The following BTG4 variants were observed in gnomAD, a reference collection of about 807,000 sequenced individuals.
The protein encoded by BTG4 is protein BTG4.
A neutral mutation model predicts 19.3 loss-of-function variants in BTG4; 10 were observed. The ratio of observed to expected loss-of-function variants is 0.52; its 90% confidence interval spans 0.32 to 0.88. The LOEUF is 0.88. Among genes scored for constraint, BTG4 ranks in the 40% least tolerant of loss-of-function variants. The pLI is 0.04. For synonymous variants in BTG4, 91 were observed against 95.7 expected, an observed-to-expected ratio of 0.95 and a Z score of 0.29; for missense variants, 238 against 281.9, an observed-to-expected ratio of 0.84 and a Z score of 1.11.
At chr11:111,513,075 C>T, upstream of BTG4, 1 of 441,970 alleles carries the variant, frequency 2.3e-6, no homozygotes, top group East Asian at 7.4e-5. Flanking sequence ...AGCCCGCAGC[C>T]TTCGAGAGAA....
chr11:111,478,479 AG>A (rs1394525436), intron 5 of BTG4, among the ~76,000 whole-genome samples: 4 of 152,184 alleles, frequency 2.6e-5, no homozygotes, highest in Admixed American at 1.3e-4. Flanking sequence ...ACTAAAAACC[AG>A]AAAGATAAAC....
chr11:111,467,214 A>G (rs1863771520), downstream of BTG4, among the ~76,000 whole-genome samples: 1 of 152,206 alleles, frequency 6.6e-6, no homozygotes, highest in Admixed American at 6.5e-5. Context: ...CCTATTTTAA[A>G]ATTGAGCAGA....
the BTG4 span, among the ~76,000 whole-genome samples, chr11:111,407,817 T>C: frequency 6.6e-6 from 1 of 152,234 alleles, no homozygotes; most frequent in African/African-American, 2.4e-5. Flanking sequence ...GGTAAGTAAC[T>C]TGCAGGGCAG....
intron 5 of BTG4, among the ~76,000 whole-genome samples, chr11:111,470,239 A>G (rs773871968): frequency 5.9e-5 from 9 of 152,160 alleles, no homozygotes; most frequent in Non-Finnish European, 1.0e-4. Flanking sequence ...GCACACCACC[A>G]TCCCGGCAAA....
At chr11:111,512,820 C>T (rs1867045838), upstream of BTG4, 2 of 332,338 alleles carry the variant, frequency 6.0e-6, no homozygotes, top group South Asian at 5.1e-5. Context: ...GGGGTGTCCT[C>T]GGGGGCCGCT....
intron 1 of BTG4, among the ~76,000 whole-genome samples, chr11:111,508,725 C>A (rs1441704526): frequency 6.7e-6 from 1 of 150,258 alleles, no homozygotes; most frequent in Non-Finnish European, 1.5e-5. Context: ...AGCACTTTTT[C>A]ATATAACCAT....
the BTG4 span, chr11:111,454,923 G>A: frequency 6.7e-6 from 3 of 446,288 alleles, no homozygotes; most frequent in East Asian, 7.1e-5. Context: ...GTGGCTCCGG[G>A]AACAGAGTTC....
the BTG4 span, chr11:111,455,338 T>C: frequency 3.4e-6 from 1 of 297,110 alleles, no homozygotes; most frequent in Non-Finnish European, 6.8e-6. Context: ...CTGTCCCTGG[T>C]GGCTGTAGCG....
At chr11:111,454,224 C>T in the BTG4 span, 51 of 444,966 alleles carry the variant, frequency 1.1e-4, 1 homozygote, top group African/African-American at 3.6e-4. Context: ...TTCTTCCCTC[C>T]GACCCCCACA....
At chr11:111,414,648 T>G in the BTG4 span, 2 of 152,332 alleles carry the variant, frequency 1.3e-5, no homozygotes, top group Non-Finnish European at 2.9e-5. Flanking sequence ...GCAAGCCAAG[T>G]TCATTTCTCA....
the BTG4 span, among the ~76,000 whole-genome samples, chr11:111,434,196 T>C: frequency 6.6e-6 from 1 of 152,216 alleles, no homozygotes; most frequent in African/African-American, 2.4e-5. Flanking sequence ...GTGGCACATA[T>C]ACACCATTGA....
chr11:111,498,907 G>T, intron 1 of BTG4, 105 bp from the exon 2 acceptor site: 3 of 737,022 alleles, frequency 4.1e-6, no homozygotes, highest in Non-Finnish European at 6.3e-6. Context: ...AGTTAAAACT[G>T]AGAAAATCTG....
At chr11:111,491,194 T>C (rs1362734658), downstream of BTG4, among the ~76,000 whole-genome samples, 1 of 152,070 alleles carries the variant, frequency 6.6e-6, no homozygotes, top group Non-Finnish European at 1.5e-5. Flanking sequence ...GGGGGAAGAT[T>C]AGTGGTTGCC....
At chr11:111,426,642 C>A in the BTG4 span, among the ~76,000 whole-genome samples, 3 of 152,234 alleles carry the variant, frequency 2.0e-5, no homozygotes, top group South Asian at 6.2e-4. Context: ...GCTACCAGAG[C>A]CCAGGCCGGC....
chr11:111,448,790 G>A, the BTG4 span: 1 of 152,366 alleles, frequency 6.6e-6, no homozygotes. Flanking sequence ...GTGACTTGGG[G>A]ATAGGGTTGC....
the BTG4 span, among the ~76,000 whole-genome samples, chr11:111,393,409 T>C: frequency 1.3e-5 from 2 of 152,206 alleles, no homozygotes; most frequent in Admixed American, 1.3e-4. Context: ...CACCTGACTA[T>C]GGTGCACAGA....
At chr11:111,443,731 G>A in the BTG4 span, among the ~76,000 whole-genome samples, 1 of 152,190 alleles carries the variant, frequency 6.6e-6, no homozygotes, top group Non-Finnish European at 1.5e-5. Context: ...AGAGAAGGCA[G>A]TTTGGGGATA....
chr11:111,495,437 A>G lies in BTG4; in HGVS notation c.511-123T>C, dbSNP rs1761653422. On this transcript the variant is annotated intron_variant, in intron 4 of 4. Transcript: ENST00000692032. The stretch of plus-strand genomic sequence containing the variant: ...CACAAATGAATAGAATTGAAAGTGC[A>G]TAACCATCTTTGAAAAAAATTTCTA... 4 of 806,764 alleles carry G rather than the reference A, an allele frequency of 5.0e-6. No homozygotes were observed. In the East Asian group the frequency reaches 1.1e-4, roughly 23 times the overall value. The allele number at this position is 806,764 out of a possible 1,614,324, so 50.0% of individuals were successfully genotyped here.
chr11:111,439,694 T>C, the BTG4 span, among the ~76,000 whole-genome samples: 1 of 152,128 alleles, frequency 6.6e-6, no homozygotes, highest in Non-Finnish European at 1.5e-5. Context: ...CTGGAGGCCA[T>C]TCCTAGGTCA....
Sources: allele counts gnomAD v4.1 joint callset (sites outside exome capture counted in the v4.1 genomes callset), GRCh38; gene constraint gnomAD v4.1.1; transcripts MANE v1.5; gene names NCBI Gene and HGNC (gene_info 2026-07-23, HGNC 2026-07-21).